Variants in KALRN observed in about 807,000 individuals in gnomAD.
The protein encoded by KALRN is kalirin RhoGEF kinase.
KALRN carries 70 observed loss-of-function variants against 353.7 expected under a neutral mutation model. The observed-to-expected ratio is 0.20, with a 90% CI of 0.16 to 0.24. The LOEUF (loss-of-function observed/expected upper bound fraction) is 0.24, where lower values mean the gene tolerates loss of function less well. Among genes scored for constraint, KALRN ranks in the 10% least tolerant of loss-of-function variants. The probability of loss-of-function intolerance (pLI) is 1.00; values close to 1 mark genes in which losing one functional copy is unlikely to be tolerated. For missense variants in KALRN, 2,791 were observed against 3,756.7 expected (o/e 0.74, Z 6.72); for synonymous variants, 1,391 against 1,434.8 (o/e 0.97, Z 0.69).
chr3:124,279,890 A>G (rs1053650147), intron 5 of KALRN, among the ~76,000 whole-genome samples: 1 of 152,206 alleles, frequency 6.6e-6, no homozygotes, highest in Non-Finnish European at 1.5e-5. Flanking sequence ...TTTGGGATGC[A>G]GGGAGATGGA....
chr3:124,650,365 G>C (rs962806718), intron 37 of KALRN, among the ~76,000 whole-genome samples: 1 of 152,180 alleles, frequency 6.6e-6, no homozygotes, highest in Non-Finnish European at 1.5e-5. Context: ...AACAATTTTA[G>C]CTATCTCACA....
chr3:124,111,016 C>T (rs1027797187), intron 1 of KALRN, among the ~76,000 whole-genome samples: 1 of 152,162 alleles, frequency 6.6e-6, no homozygotes, highest in African/African-American at 2.4e-5. Flanking sequence ...TTGGGCCTTC[C>T]TCTTTGGATT....
chr3:124,258,110 C>T (rs1278757907), intron 3 of KALRN, among the ~76,000 whole-genome samples: 7 of 152,102 alleles, frequency 4.6e-5, no homozygotes, highest in East Asian at 3.9e-4. Context: ...GGAGCAGCTG[C>T]GGGAGTTGGT....
intron 1 of KALRN, among the ~76,000 whole-genome samples, chr3:124,122,835 AG>A (rs1327661529): frequency 3.3e-5 from 5 of 152,190 alleles, no homozygotes; most frequent in Non-Finnish European, 5.9e-5. Flanking sequence ...TTCAAGTGAA[AG>A]GAAGAGTCAT....
At chr3:124,663,562 A>C (rs2085171288) in intron 45 of KALRN, among the ~76,000 whole-genome samples, 1 of 152,234 alleles carries the variant, frequency 6.6e-6, no homozygotes, top group Non-Finnish European at 1.5e-5. Context: ...TTTTAAGATT[A>C]ATATGATAAA....
intron 51 of KALRN, among the ~76,000 whole-genome samples, chr3:124,693,463 G>A (rs1389726390): frequency 1.3e-5 from 2 of 152,162 alleles, no homozygotes; most frequent in African/African-American, 4.8e-5. Flanking sequence ...GACCAAGAGA[G>A]TGGGTTTTCT....
chr3:124,253,896 T>C (rs1241215662), intron 3 of KALRN, among the ~76,000 whole-genome samples: 3 of 151,874 alleles, frequency 2.0e-5, no homozygotes, highest in African/African-American at 7.3e-5. Flanking sequence ...TCTGCTGGAG[T>C]GGTGCTTGTT....
rs150361186 is a variant in KALRN at position 124,144,454 on chromosome 3, T to G, written c.74-83536T>G. Among the ~76,000 whole-genome samples, 19 of 152,224 alleles carry G rather than the reference T, an allele frequency of 1.2e-4. No individual in the cohort carries two copies. In the East Asian group the frequency reaches 3.3e-3, roughly 26 times the overall value. ...CAGCTAGCATCTCCCCTTCCAGGTA[T>G]GCACACCACTTCCTTGTCATTGTCA... is the stretch of plus-strand genomic sequence containing the variant. On this transcript the variant is annotated intron_variant, in intron 1 of 59. Coordinates refer to ENST00000682506, the MANE Select transcript of KALRN (RefSeq NM_001388419.1).
intron 1 of KALRN, among the ~76,000 whole-genome samples, chr3:124,139,795 T>C (rs1395091744): frequency 1.3e-5 from 2 of 152,112 alleles, no homozygotes; most frequent in Non-Finnish European, 2.9e-5. Flanking sequence ...ACTGGGTTGG[T>C]GCAGAATGAA....
chr3:124,107,906 A>G (rs1199028642), intron 1 of KALRN, among the ~76,000 whole-genome samples: 2 of 152,214 alleles, frequency 1.3e-5, no homozygotes, highest in Non-Finnish European at 2.9e-5. Context: ...TTTGGACAGA[A>G]TGGGTCTCCT....
At chr3:124,325,596 C>T (rs1409982588) in intron 6 of KALRN, among the ~76,000 whole-genome samples, 1 of 152,126 alleles carries the variant, frequency 6.6e-6, no homozygotes, top group Non-Finnish European at 1.5e-5. Flanking sequence ...ATGTCTCTGC[C>T]TCCTTTAGCT....
At chr3:124,223,168 A>G (rs1251905305) in intron 1 of KALRN, among the ~76,000 whole-genome samples, 1 of 151,686 alleles carries the variant, frequency 6.6e-6, no homozygotes, top group Non-Finnish European at 1.5e-5. Flanking sequence ...CTTGGAGAGC[A>G]GGATCCATTT....
At chr3:124,191,136 G>T (rs1234988500) in intron 1 of KALRN, among the ~76,000 whole-genome samples, 1 of 152,196 alleles carries the variant, frequency 6.6e-6, no homozygotes. Context: ...GTGGGAAATA[G>T]TTTCTATGTC....
intron 33 of KALRN, among the ~76,000 whole-genome samples, chr3:124,553,592 A>ATC (rs1397593933): frequency 6.6e-5 from 10 of 152,286 alleles, no homozygotes; most frequent in African/African-American, 2.4e-4. Context: ...GCTCTTTTTG[A>ATC]TCAGGTTTCA....
chr3:124,118,517 G>A (rs752884609), intron 1 of KALRN, among the ~76,000 whole-genome samples: 3 of 152,192 alleles, frequency 2.0e-5, no homozygotes, highest in Non-Finnish European at 4.4e-5. Context: ...ATTCCGTGGA[G>A]TTGCAGGAGA....
intron 34 of KALRN, among the ~76,000 whole-genome samples, chr3:124,622,904 T>C (rs1036702704): frequency 1.3e-5 from 2 of 150,090 alleles, no homozygotes; most frequent in Non-Finnish European, 2.9e-5. Flanking sequence ...TGGCAAATTT[T>C]ACACTAAACC....
chr3:124,310,790 T>C (rs2078172415), intron 6 of KALRN, among the ~76,000 whole-genome samples: 1 of 152,134 alleles, frequency 6.6e-6, no homozygotes, highest in Admixed American at 6.5e-5. Context: ...CAAAAAATTT[T>C]GTGCATCAAA....
At chr3:124,648,389 A>G (rs57715554) in intron 37 of KALRN, among the ~76,000 whole-genome samples, 3,976 of 152,328 alleles carry the variant, frequency 0.026, 105 homozygotes, top group East Asian at 0.13. Context: ...CCCATTTGAC[A>G]TAATGGACTC....
At position 124,584,714 on chromosome 3, in the gene KALRN, G is replaced by T. The variant is rs1200782029; in HGVS notation, c.5182+21625G>T. 14 of 1,484,764 alleles carry T rather than the reference G, an allele frequency of 9.4e-6. No individual in the cohort carries two copies. In the East Asian group the frequency reaches 3.0e-4, roughly 32 times the overall value. The allele number at this position is 1,484,764 out of a possible 1,614,324, so 92.0% of individuals were successfully genotyped here. A position where few individuals can be genotyped will look rare whatever the true frequency, so the allele number is the denominator to read the frequency against. Reference sequence around the variant, plus strand: ...CGGTGCGGGGAGAGCACAGCGGGGAGGGCGGGAGCCGGCTCTCGGGCGGCG... The same window carrying T: ...CGGTGCGGGGAGAGCACAGCGGGGATGGCGGGAGCCGGCTCTCGGGCGGCG... On this transcript the variant is annotated intron_variant, in intron 34 of 59. Transcript: ENST00000682506.
Sources: gnomAD v4.1 joint callset for allele counts (sites outside exome capture counted in the v4.1 genomes callset) on GRCh38, gnomAD v4.1.1 for gene constraint, MANE v1.5 for transcripts, NCBI Gene and HGNC (gene_info 2026-07-23, HGNC 2026-07-21) for gene names.